DENND5B: variants seen among roughly 807,000 people sequenced by gnomAD.
DENND5B encodes the protein DENN domain containing 5B.
DENND5B carries 34 observed loss-of-function variants against 140.6 expected under a neutral mutation model. The observed-to-expected ratio is 0.24, with a 90% CI of 0.18 to 0.32. DENND5B has a LOEUF of 0.32. Ranked by LOEUF, DENND5B falls within the 10% of genes least tolerant of loss-of-function variation. The probability of loss-of-function intolerance (pLI) is 1.00; values close to 1 mark genes in which losing one functional copy is unlikely to be tolerated. For missense variants in DENND5B, 1,142 were observed against 1,560.2 expected, an observed-to-expected ratio of 0.73 and a Z score of 4.52; for synonymous variants, 551 against 562.1, an observed-to-expected ratio of 0.98 and a Z score of 0.28.
intron 3 of DENND5B, among the ~76,000 whole-genome samples, chr12:31,468,205 G>C (rs1173507016): frequency 6.6e-6 from 1 of 152,136 alleles, no homozygotes; most frequent in Non-Finnish European, 1.5e-5. Context: ...CATAAGCTGT[G>C]ATCACACCAC....
intron 6 of DENND5B, among the ~76,000 whole-genome samples, 161 bp downstream of exon 6, chr12:31,447,377 G>A (rs1944319096): frequency 6.6e-6 from 1 of 152,050 alleles, no homozygotes. Context: ...GTAGGAGTAG[G>A]ACTCAGAAAG....
intron 13 of DENND5B, 24 bp from the exon 14 acceptor site, chr12:31,409,408 A>G: frequency 6.7e-7 from 1 of 1,485,262 alleles, no homozygotes; most frequent in Non-Finnish European, 8.9e-7. Flanking sequence ...AGACAAGCAC[A>G]AGACAGTAGT....
At chr12:31,516,901 T>C (rs900259581) in intron 1 of DENND5B, among the ~76,000 whole-genome samples, 7 of 151,992 alleles carry the variant, frequency 4.6e-5, no homozygotes, top group Admixed American at 1.3e-4. Flanking sequence ...ATCGTGCCAC[T>C]GCACTCCAGC....
intron 2 of DENND5B, among the ~76,000 whole-genome samples, chr12:31,489,629 G>C (rs1946446584): frequency 6.6e-6 from 1 of 152,212 alleles, no homozygotes; most frequent in African/African-American, 2.4e-5. Flanking sequence ...CGCAAAGCTA[G>C]GGATATAACA....
intron 1 of DENND5B, among the ~76,000 whole-genome samples, chr12:31,512,384 AATTT>A (rs1947458232): frequency 3.6e-5 from 2 of 55,698 alleles, no homozygotes; most frequent in African/African-American, 1.7e-4. Context: ...ACCCCTGGCT[AATTT>A]TTTTTTTTTT....
chr12:31,547,354 G>A (rs1487542660), intron 1 of DENND5B, among the ~76,000 whole-genome samples: 1 of 152,132 alleles, frequency 6.6e-6, no homozygotes, highest in Non-Finnish European at 1.5e-5. Context: ...TATTTTAAAA[G>A]AAATCTTAGA....
intron 1 of DENND5B, among the ~76,000 whole-genome samples, chr12:31,584,484 C>T (rs1408721988): frequency 6.6e-6 from 1 of 152,144 alleles, no homozygotes; most frequent in Non-Finnish European, 1.5e-5. Flanking sequence ...TTTCGTGTTG[C>T]TATAAAGAAA....
intron 3 of DENND5B, among the ~76,000 whole-genome samples, chr12:31,476,536 CA>C (rs1390586177): frequency 6.7e-6 from 1 of 150,334 alleles, no homozygotes; most frequent in African/African-American, 2.4e-5. Flanking sequence ...AACTGTCACA[CA>C]GGAGGATTAC....
chr12:31,426,602 C>T, intron 8 of DENND5B, 178 bp from the exon 9 acceptor site: 1 of 605,550 alleles, frequency 1.7e-6, no homozygotes, highest in East Asian at 3.2e-5. Context: ...ATATGCCACC[C>T]CATAACAACT....
chr12:31,547,645 C>A (rs1386943484), intron 1 of DENND5B, among the ~76,000 whole-genome samples: 1 of 152,036 alleles, frequency 6.6e-6, no homozygotes, highest in Non-Finnish European at 1.5e-5. Flanking sequence ...ATCCACTCGC[C>A]CCACCTCCCA....
At chr12:31,423,289 A>C (rs753902491) in intron 11 of DENND5B, among the ~76,000 whole-genome samples, 1 of 152,254 alleles carries the variant, frequency 6.6e-6, no homozygotes, top group East Asian at 1.9e-4. Flanking sequence ...AGAGTAATGT[A>C]TCCTTGTATG....
At chr12:31,529,562 C>T (rs555136603) in intron 1 of DENND5B, among the ~76,000 whole-genome samples, 2 of 152,164 alleles carry the variant, frequency 1.3e-5, no homozygotes, top group Admixed American at 6.5e-5. Context: ...AGGCTGGGCA[C>T]GGTGGCTCAC....
intron 1 of DENND5B, among the ~76,000 whole-genome samples, chr12:31,537,632 CTG>C (rs372202485): frequency 3.6e-4 from 55 of 152,136 alleles, no homozygotes; most frequent in African/African-American, 1.2e-3. Context: ...AATAACAACA[CTG>C]AATGTAAATG....
intron 1 of DENND5B, among the ~76,000 whole-genome samples, chr12:31,543,860 T>C (rs367614091): frequency 3.9e-5 from 6 of 152,134 alleles, no homozygotes; most frequent in East Asian, 1.9e-4. Flanking sequence ...AAACAACATA[T>C]AAAAAGTGAT....
intron 1 of DENND5B, among the ~76,000 whole-genome samples, chr12:31,547,027 A>G (rs1948886985): frequency 6.6e-6 from 1 of 152,160 alleles, no homozygotes; most frequent in African/African-American, 2.4e-5. Context: ...TTTCCAGCAA[A>G]TATGCTTCAT....
chr12:31,402,070 C>CAAAA (rs147304148), intron 15 of DENND5B, among the ~76,000 whole-genome samples: 1 of 119,842 alleles, frequency 8.3e-6, no homozygotes, highest in African/African-American at 3.5e-5. Context: ...GATTCCGTCT[C>CAAAA]AAAAAAAAAA....
intron 3 of DENND5B, among the ~76,000 whole-genome samples, chr12:31,476,637 A>G (rs2138498005): frequency 6.6e-6 from 1 of 152,314 alleles, no homozygotes; most frequent in South Asian, 2.1e-4. Context: ...ACTCTAAACC[A>G]GGCATGGTGG....
At chr12:31,398,081 C>T (rs1941581482) in intron 17 of DENND5B, 94 bp downstream of exon 17, 1 of 1,182,248 alleles carries the variant, frequency 8.5e-7, no homozygotes, top group Non-Finnish European at 1.2e-6. Flanking sequence ...TTTAAAATCT[C>T]CTCACTACAT....
chr12:31,423,442 A>T, intron 11 of DENND5B, 155 bp downstream of exon 11: 1 of 261,250 alleles, frequency 3.8e-6, no homozygotes, highest in Non-Finnish European at 6.0e-6. Flanking sequence ...CCCAGGTCTC[A>T]CAGTTAGTAA....
Sources: gnomAD v4.1 joint callset for allele counts (sites outside exome capture counted in the v4.1 genomes callset) on GRCh38, gnomAD v4.1.1 for gene constraint, MANE v1.5 for transcripts, NCBI Gene and HGNC (gene_info 2026-07-23, HGNC 2026-07-21) for gene names.